IQCK: variants seen among roughly 807,000 people sequenced by gnomAD.
IQCK encodes the protein IQ domain-containing protein K.
A neutral mutation model predicts 28.1 loss-of-function variants in IQCK; 29 were observed. The observed-to-expected ratio is 1.03, with a 90% CI of 0.77 to 1.41. The LOEUF (loss-of-function observed/expected upper bound fraction) is 1.41. Among genes scored for constraint, IQCK ranks in the 40% most tolerant of loss-of-function variants. The pLI, the probability that IQCK is intolerant of heterozygous loss-of-function variation, is 0.00. For synonymous variants in IQCK, 113 were observed against 115.1 expected (o/e 0.98, Z 0.12); for missense variants, 359 against 314.7 (o/e 1.14, Z -1.07).
At chr16:19,775,181 T>A (rs1273251173) in intron 6 of IQCK, among the ~76,000 whole-genome samples, 3 of 149,972 alleles carry the variant, frequency 2.0e-5, no homozygotes, top group Non-Finnish European at 4.4e-5. Context: ...GAGCCGAGAT[T>A]GCGCCACTGT....
At chr16:19,743,706 C>T (rs996878058) in intron 4 of IQCK, among the ~76,000 whole-genome samples, 9 of 152,200 alleles carry the variant, frequency 5.9e-5, no homozygotes, top group African/African-American at 2.2e-4. Flanking sequence ...GTTCCAGAGT[C>T]TAAGAGTTTG....
intron 1 of IQCK, among the ~76,000 whole-genome samples, chr16:19,720,379 C>A (rs559879267): frequency 6.6e-6 from 1 of 152,326 alleles, no homozygotes; most frequent in South Asian, 2.1e-4. Flanking sequence ...CCAGAGCTTT[C>A]ACTTCTCCAA....
intron 4 of IQCK, among the ~76,000 whole-genome samples, chr16:19,736,731 G>C (rs1305880608): frequency 6.6e-6 from 1 of 151,692 alleles, no homozygotes; most frequent in Non-Finnish European, 1.5e-5. Context: ...CCAGCCATGT[G>C]AGCTTCCTTC....
chr16:19,807,967 C>A (rs2055854224), intron 7 of IQCK, among the ~76,000 whole-genome samples: 1 of 151,860 alleles, frequency 6.6e-6, no homozygotes, highest in African/African-American at 2.4e-5. Context: ...TTTTTAATTC[C>A]CTGTCAAAGA....
At chr16:19,856,416 T>G (rs927030370) in intron 9 of IQCK, 71 bp from the exon 9 acceptor site, 1 of 1,307,248 alleles carries the variant, frequency 7.6e-7, no homozygotes. Context: ...CATCAGAGTT[T>G]CCGGTTTCCC....
intron 9 of IQCK, among the ~76,000 whole-genome samples, chr16:19,836,735 A>G (rs772909605): frequency 1.8e-4 from 27 of 152,094 alleles, no homozygotes; most frequent in Non-Finnish European, 3.4e-4. Context: ...GATGCTCTTG[A>G]TCTCTTGACT....
chr16:19,801,092 C>T lies in IQCK; in HGVS notation c.690+12170C>T, dbSNP rs115518954. ...AATCTGATTGTTAGTGTACTCTGTT[C>T]ATTCTGAAATTCCAAAATCATCTTG... is the stretch of plus-strand genomic sequence containing the variant. On this transcript the variant is annotated intron_variant, in intron 7 of 7. Coordinates refer to ENST00000564186, the Ensembl canonical transcript of IQCK. Among the ~76,000 whole-genome samples the T allele has an allele frequency of 7.8e-3, 1,125 of 143,608 alleles. 111 individuals are homozygous for T. The highest frequency in any genetic ancestry group is 0.03 in the African/African-American group (1,022 of 33,670). The allele number at this position is 143,608 out of a possible 152,430, so 94.2% of individuals were successfully genotyped here.
At chr16:19,762,960 G>A (rs1267128156) in intron 4 of IQCK, among the ~76,000 whole-genome samples, 1 of 152,102 alleles carries the variant, frequency 6.6e-6, no homozygotes, top group Non-Finnish European at 1.5e-5. Flanking sequence ...AAGTTGCAGT[G>A]AGCTGAGATC....
At chr16:19,785,189 T>G (rs1460892306) in intron 6 of IQCK, among the ~76,000 whole-genome samples, 2 of 152,222 alleles carry the variant, frequency 1.3e-5, no homozygotes, top group Non-Finnish European at 2.9e-5. Context: ...TATCCTCACC[T>G]TAGGGCAGAT....
At chr16:19,761,196 ATGGAGT>A in intron 4 of IQCK, 1 of 339,600 alleles carries the variant, frequency 2.9e-6, no homozygotes, top group Non-Finnish European at 5.9e-6. Context: ...CCTATTCAAG[ATGGAGT>A]TGCTCTGGTT....
At chr16:19,823,935 A>AAAAAT (rs1555455159) in intron 7 of IQCK, among the ~76,000 whole-genome samples, 14 of 146,450 alleles carry the variant, frequency 9.6e-5, no homozygotes, top group African/African-American at 3.6e-4. Context: ...TCCCTCTTAA[A>AAAAAT]AAATAAATAA....
At chr16:19,725,246 G>A (rs906046004) in intron 1 of IQCK, among the ~76,000 whole-genome samples, 1 of 152,130 alleles carries the variant, frequency 6.6e-6, no homozygotes, top group Non-Finnish European at 1.5e-5. Context: ...CGCCCAGGCT[G>A]AAGTGCAGTG....
At chr16:19,761,344 G>T (rs1045744614) in intron 4 of IQCK, 4 of 450,948 alleles carry the variant, frequency 8.9e-6, no homozygotes, top group Non-Finnish European at 1.8e-5. Flanking sequence ...TCTCCTGCTG[G>T]TACCACCCAT....
intron 4 of IQCK, among the ~76,000 whole-genome samples, chr16:19,751,730 G>T (rs2054989590): frequency 6.6e-6 from 1 of 151,826 alleles, no homozygotes; most frequent in Non-Finnish European, 1.5e-5. Flanking sequence ...TGAAGGGAGT[G>T]CTCCAGATCC....
At chr16:19,839,239 C>T (rs2056336093) in intron 9 of IQCK, among the ~76,000 whole-genome samples, 1 of 151,418 alleles carries the variant, frequency 6.6e-6, no homozygotes, top group Non-Finnish European at 1.5e-5. Flanking sequence ...TGGCTCACTG[C>T]AACCTCCACC....
intron 4 of IQCK, among the ~76,000 whole-genome samples, chr16:19,749,798 G>A (rs2054961939): frequency 6.6e-6 from 1 of 151,904 alleles, no homozygotes; most frequent in South Asian, 2.1e-4. Flanking sequence ...AAGAAAAAGT[G>A]TGCCAATTCA....
chr16:19,849,261 GTTTT>G (rs71146276), intron 9 of IQCK, among the ~76,000 whole-genome samples: 2 of 142,208 alleles, frequency 1.4e-5, no homozygotes, highest in South Asian at 2.3e-4. Context: ...CTATGTTCAG[GTTTT>G]TTTTTTTTTT....
At chr16:19,835,328 A>G (rs537496274) in intron 9 of IQCK, among the ~76,000 whole-genome samples, 5 of 152,090 alleles carry the variant, frequency 3.3e-5, no homozygotes, top group African/African-American at 1.2e-4. Context: ...ACATGTAACC[A>G]TATTATATAT....
At chr16:19,774,398 C>CTTT (rs1167894201) in intron 6 of IQCK, among the ~76,000 whole-genome samples, 4,003 of 103,932 alleles carry the variant, frequency 0.039, 531 homozygotes, top group East Asian at 0.12. Context: ...TTAGCTAATA[C>CTTT]TTTTTTTTTT....
Sources: gnomAD v4.1 joint callset for allele counts (sites outside exome capture counted in the v4.1 genomes callset) on GRCh38, gnomAD v4.1.1 for gene constraint, MANE v1.5 for transcripts, NCBI Gene and HGNC (gene_info 2026-07-23, HGNC 2026-07-21) for gene names.